The following CDKL5 variants were observed in gnomAD, a reference collection of about 807,000 sequenced individuals.
CDKL5 encodes cyclin-dependent kinase-like 5.
In CDKL5, 8 loss-of-function variants were observed where a neutral mutation model predicts 61.7. The ratio of observed to expected loss-of-function variants is 0.13; its 90% CI spans 0.08 to 0.23. CDKL5 has a LOEUF of 0.23. Among genes scored for constraint, CDKL5 ranks in the 10% least tolerant of loss-of-function variants. The pLI is 1.00. For missense variants in CDKL5, 440 were observed against 734.5 expected, an observed-to-expected ratio of 0.60 and a Z score of 4.63; for synonymous variants, 275 against 272.3, an observed-to-expected ratio of 1.01 and a Z score of -0.10.
chrX:18,555,344 T>C (rs1807194312), intron 3 of CDKL5, among the ~76,000 whole-genome samples: 1 of 112,035 alleles, frequency 8.9e-6, no homozygotes, highest in Admixed American at 9.4e-5. Flanking sequence ...TTTTTAAGTG[T>C]TTGAAAAAAG....
At chrX:18,460,574 C>T (rs1278242940) in intron 1 of CDKL5, among the ~76,000 whole-genome samples, 1 of 111,415 alleles carries the variant, frequency 9.0e-6, no homozygotes, top group Non-Finnish European at 1.9e-5. Flanking sequence ...TCTCAGCTCA[C>T]TGCAGCCTCT....
intron 1 of CDKL5, among the ~76,000 whole-genome samples, chrX:18,486,096 T>C (rs1044378372): frequency 9.0e-6 from 1 of 111,581 alleles, no homozygotes; most frequent in Non-Finnish European, 1.9e-5. Context: ...TTTTTCGTGT[T>C]ATTCCTGGAC....
intron 4 of CDKL5, among the ~76,000 whole-genome samples, chrX:18,566,238 A>T (rs1158851556): frequency 2.7e-5 from 3 of 111,137 alleles, no homozygotes; most frequent in African/African-American, 9.8e-5. Context: ...TGCAACCTCC[A>T]CTCCCCGGGC....
downstream of CDKL5, chrX:18,640,771 C>A (rs966612203): frequency 1.8e-5 from 2 of 112,429 alleles, no homozygotes; most frequent in East Asian, 5.6e-4. Flanking sequence ...AGAGCAGCCT[C>A]GTCCTCTGAT....
At chrX:18,519,634 A>G (rs1602237805) in intron 3 of CDKL5, among the ~76,000 whole-genome samples, 1 of 111,700 alleles carries the variant, frequency 9.0e-6, no homozygotes, top group African/African-American at 3.3e-5. Flanking sequence ...CTGGGCATAC[A>G]GAGACGCATA....
chrX:18,452,949 A>G (rs775552361), intron 1 of CDKL5, among the ~76,000 whole-genome samples: 32 of 101,994 alleles, frequency 3.1e-4, no homozygotes, highest in Non-Finnish European at 5.3e-4. Flanking sequence ...TCGTGCTTCA[A>G]CCTCCCTAGT....
At chrX:18,595,301 C>T (rs895289999) in intron 9 of CDKL5, 47 bp from the exon 10 acceptor site, 1 of 905,003 alleles carries the variant, frequency 1.1e-6, no homozygotes, top group Non-Finnish European at 1.6e-6. Flanking sequence ...CGTGCACACA[C>T]ATGTCCTTCC....
At chrX:18,596,584 G>A (rs903772097) in intron 10 of CDKL5, among the ~76,000 whole-genome samples, 3 of 112,035 alleles carry the variant, frequency 2.7e-5, no homozygotes, top group Non-Finnish European at 3.8e-5. Context: ...AAAGCCTTTT[G>A]TTTAATTAGT....
rs951430019 is a variant in CDKL5 at position 18,646,076 on chromosome X, C to T, written c.2783C>T (p.Thr928Met). The change falls in exon 20 of 22, where the codon ACG becomes ATG. Residue 928 changes from threonine (T) to methionine (M), a missense_variant. Thr to Met is a moderately conservative substitution (Grantham distance 81). Transcript: ENST00000379989. ...CAAGATAGACGCTTCATGTTAAGGACGACAGAACAACAAGGTAGAGTCTGG... is the reference window on the plus strand; with the variant it reads ...CAAGATAGACGCTTCATGTTAAGGATGACAGAACAACAAGGTAGAGTCTGG... The T allele has an allele frequency of 4.5e-5, 55 of 1,210,029 alleles. No individual in the cohort carries two copies. Among genetic ancestry groups the T allele is most frequent in the African/African-American group, 1.1e-4 (6 of 57,127 alleles).
rs185345006 is a variant in CDKL5, at chrX:18,536,960, C to T, written c.99+26106C>T. ...TATATGTAGCAGGATCACACATATA[C>T]CCATTACTTTCAAATGTGCCAAAAA... is the stretch of plus-strand genomic sequence containing the variant. On this transcript the variant is annotated intron_variant, in intron 3 of 17. Coordinates refer to ENST00000623535, the MANE Select transcript of CDKL5 (RefSeq NM_001323289.2). Among the ~76,000 whole-genome samples, 79 of 109,216 alleles carry T rather than the reference C, an allele frequency of 7.2e-4. 1 individual carries two copies. The highest frequency in any genetic ancestry group is 2.6e-3 in the African/African-American group (78 of 29,791). 94.8% of individuals were successfully genotyped at this position (109,216 alleles called of 115,157 possible).
At chrX:18,516,073 C>T (rs774009721) in intron 3 of CDKL5, among the ~76,000 whole-genome samples, 5 of 109,935 alleles carry the variant, frequency 4.5e-5, no homozygotes, top group South Asian at 4.0e-4. Context: ...CTGCAACCTC[C>T]GCTTCCCGGG....
intron 20 of CDKL5, chrX:18,647,112 T>C: frequency 4.5e-6 from 5 of 1,107,703 alleles, no homozygotes; most frequent in Non-Finnish European, 6.2e-6. Context: ...AGACGGGGTT[T>C]CACTGTGTTG....
At chrX:18,647,746 T>C (rs1279361109) in intron 20 of CDKL5, 2 of 173,080 alleles carry the variant, frequency 1.2e-5, no homozygotes, top group Non-Finnish European at 2.2e-5. Flanking sequence ...TCCTGCCTCA[T>C]GACGTCAGGT....
intron 3 of CDKL5, among the ~76,000 whole-genome samples, chrX:18,547,918 G>A (rs771494040): frequency 1.8e-5 from 2 of 111,752 alleles, no homozygotes; most frequent in East Asian, 2.8e-4. Context: ...GTGCCTCTTC[G>A]GCCAGTTGTC....
chrX:18,552,870 A>G (rs1924447006), intron 3 of CDKL5, among the ~76,000 whole-genome samples: 1 of 111,420 alleles, frequency 9.0e-6, no homozygotes, highest in Non-Finnish European at 1.9e-5. Flanking sequence ...GAGGTGGAAG[A>G]GCTACCTGGC....
chrX:18,553,009 A>G (rs756354899), intron 3 of CDKL5, among the ~76,000 whole-genome samples: 1 of 111,537 alleles, frequency 9.0e-6, no homozygotes, highest in East Asian at 2.8e-4. Flanking sequence ...GGGGATGAAC[A>G]TATCAGAAGG....
At chrX:18,615,911 G>A (rs1400626991) in intron 15 of CDKL5, among the ~76,000 whole-genome samples, 1 of 111,915 alleles carries the variant, frequency 8.9e-6, no homozygotes, top group Non-Finnish European at 1.9e-5. Context: ...CTGTTATTCT[G>A]GCCATCTCAG....
intron 3 of CDKL5, among the ~76,000 whole-genome samples, chrX:18,555,477 A>G (rs929281372): frequency 2.7e-5 from 3 of 112,292 alleles, no homozygotes; most frequent in Non-Finnish European, 5.6e-5. Flanking sequence ...CAGGATAGAA[A>G]TTACCTCTGG....
chrX:18,446,874 C>G (rs1931892216), intron 1 of CDKL5, among the ~76,000 whole-genome samples: 1 of 112,102 alleles, frequency 8.9e-6, no homozygotes, highest in Admixed American at 9.5e-5. Flanking sequence ...AGTTTGTCAT[C>G]CCTGCTTCTC....
Sources: allele counts gnomAD v4.1 joint callset (sites outside exome capture counted in the v4.1 genomes callset), GRCh38; gene constraint gnomAD v4.1.1; transcripts MANE v1.5; gene names NCBI Gene and HGNC (gene_info 2026-07-23, HGNC 2026-07-21).